NXPE2: variants seen among roughly 807,000 people sequenced by gnomAD.
NXPE2 encodes the protein neurexophilin and PC-esterase domain family member 2.
A neutral mutation model predicts 34.4 loss-of-function variants in NXPE2; 34 were observed. That is an observed-to-expected ratio of 0.99 (90% CI 0.75 to 1.31). The LOEUF (loss-of-function observed/expected upper bound fraction) is 1.31. Ranked by LOEUF, NXPE2 falls within the 40% of genes most tolerant of loss-of-function variation. NXPE2 has a pLI of 0.00. For synonymous variants in NXPE2, 235 were observed against 231.3 expected (o/e 1.02, Z -0.15); for missense variants, 649 against 672.5 (o/e 0.97, Z 0.39).
chr11:114,597,163 C>T, the NXPE2 span, among the ~76,000 whole-genome samples: 1 of 151,884 alleles, frequency 6.6e-6, no homozygotes, highest in Admixed American at 6.6e-5. Context: ...GGTATAACCA[C>T]TAAATATTTC....
chr11:114,802,330 A>T, the NXPE2 span, among the ~76,000 whole-genome samples: 3 of 152,152 alleles, frequency 2.0e-5, no homozygotes, highest in Non-Finnish European at 4.4e-5. Flanking sequence ...TCATTACAGA[A>T]TTTTTCTATT....
At chr11:114,625,326 T>C in the NXPE2 span, among the ~76,000 whole-genome samples, 1 of 152,168 alleles carries the variant, frequency 6.6e-6, no homozygotes. Flanking sequence ...TGTTGCACTG[T>C]GGGTAACCAC....
At chr11:114,536,890 C>T in the NXPE2 span, among the ~76,000 whole-genome samples, 10 of 152,158 alleles carry the variant, frequency 6.6e-5, no homozygotes, top group African/African-American at 2.2e-4. Context: ...TGAAACTATT[C>T]CAATCAGTAG....
At chr11:114,468,514 AG>A in the NXPE2 span, among the ~76,000 whole-genome samples, 3 of 152,188 alleles carry the variant, frequency 2.0e-5, no homozygotes, top group African/African-American at 7.2e-5. Flanking sequence ...ATTACCTCCC[AG>A]GGATTGTTTT....
chr11:114,496,204 T>G, the NXPE2 span, among the ~76,000 whole-genome samples: 2 of 152,184 alleles, frequency 1.3e-5, no homozygotes, highest in African/African-American at 4.8e-5. Flanking sequence ...ATTTCTGGGA[T>G]GGACAACTTG....
chr11:114,491,674 A>G, the NXPE2 span, among the ~76,000 whole-genome samples: 1 of 152,184 alleles, frequency 6.6e-6, no homozygotes, highest in Non-Finnish European at 1.5e-5. Context: ...TACCCAAAGG[A>G]TTATAAATCA....
chr11:114,672,734 A>G, the NXPE2 span, among the ~76,000 whole-genome samples: 3 of 151,954 alleles, frequency 2.0e-5, no homozygotes, highest in African/African-American at 4.8e-5. Flanking sequence ...TCTAATGTTA[A>G]AAGTGTCAAT....
At chr11:114,791,966 G>T in the NXPE2 span, among the ~76,000 whole-genome samples, 3 of 152,192 alleles carry the variant, frequency 2.0e-5, no homozygotes, top group Non-Finnish European at 4.4e-5. Context: ...GCTGAGGCAG[G>T]AGAATGTCAT....
At chr11:114,512,178 G>A in the NXPE2 span, among the ~76,000 whole-genome samples, 9 of 152,112 alleles carry the variant, frequency 5.9e-5, no homozygotes, top group Non-Finnish European at 1.0e-4. Flanking sequence ...TAAAATACAA[G>A]TTAATAAGAA....
chr11:114,616,469 T>C, the NXPE2 span, among the ~76,000 whole-genome samples: 1 of 151,754 alleles, frequency 6.6e-6, no homozygotes, highest in Non-Finnish European at 1.5e-5. Flanking sequence ...CAATGGATAA[T>C]AAGTGTTGCC....
chr11:114,649,131 G>GT, the NXPE2 span, among the ~76,000 whole-genome samples: 37,679 of 145,014 alleles, frequency 0.26, 4,845 homozygotes, highest in South Asian at 0.33. Context: ...AGCTTGTCAT[G>GT]TTTTTTTTTT....
At chr11:114,676,355 A>G (rs1950858061), upstream of NXPE2, among the ~76,000 whole-genome samples, 1 of 151,932 alleles carries the variant, frequency 6.6e-6, no homozygotes, top group Non-Finnish European at 1.5e-5. Context: ...CAAACCATAC[A>G]TCTGATAAGG....
At chr11:114,554,140 G>A in the NXPE2 span, 1 of 985,410 alleles carries the variant, frequency 1.0e-6, no homozygotes, top group Non-Finnish European at 1.2e-6. Context: ...TCCTCAGACA[G>A]GATTGAATCA....
chr11:114,700,409 T>C (rs960223896), intron 3 of NXPE2, among the ~76,000 whole-genome samples: 2 of 152,112 alleles, frequency 1.3e-5, no homozygotes, highest in South Asian at 2.1e-4. Flanking sequence ...GAGTAAGTCA[T>C]GTGAATTTTC....
chr11:114,650,074 GA>G, the NXPE2 span, among the ~76,000 whole-genome samples: 16 of 151,668 alleles, frequency 1.1e-4, no homozygotes, highest in Non-Finnish European at 1.5e-4. Context: ...CTAACAATGA[GA>G]AAAAAAATCC....
the NXPE2 span, among the ~76,000 whole-genome samples, chr11:114,812,094 A>T: frequency 6.6e-6 from 1 of 152,222 alleles, no homozygotes; most frequent in East Asian, 1.9e-4. Flanking sequence ...GTTGAGAGCA[A>T]ATTGATTTTT....
the NXPE2 span, among the ~76,000 whole-genome samples, chr11:114,587,095 C>A: frequency 6.6e-6 from 1 of 152,170 alleles, no homozygotes; most frequent in East Asian, 1.9e-4. Context: ...CGGAAACACT[C>A]TTAACTTCCT....
chr11:114,705,454 A>T (rs1261433061), intron 4 of NXPE2, among the ~76,000 whole-genome samples: 2 of 152,208 alleles, frequency 1.3e-5, no homozygotes, highest in Admixed American at 1.3e-4. Flanking sequence ...GTGCCCTGCT[A>T]TTTCACGGCC....
chr11:114,607,980 G>A, the NXPE2 span, among the ~76,000 whole-genome samples: 1 of 151,788 alleles, frequency 6.6e-6, no homozygotes, highest in African/African-American at 2.4e-5. Flanking sequence ...TGCCTCGTGA[G>A]TCACCGCTGC....
Sources: allele counts gnomAD v4.1 joint callset (sites outside exome capture counted in the v4.1 genomes callset), GRCh38; gene constraint gnomAD v4.1.1; transcripts MANE v1.5; gene names NCBI Gene and HGNC (gene_info 2026-07-23, HGNC 2026-07-21).